The following ENTREP1 variants were observed in gnomAD, a reference collection of about 807,000 sequenced individuals.
ENTREP1 encodes endosomal transmembrane epsin interactor 1.
chr9:69,385,250 G>A, the ENTREP1 span, among the ~76,000 whole-genome samples: 4 of 152,134 alleles, frequency 2.6e-5, no homozygotes, highest in African/African-American at 7.2e-5. Context: ...ACAGTTTCTC[G>A]AATTACAACT....
chr9:69,392,129 C>T, the ENTREP1 span: 47 of 355,546 alleles, frequency 1.3e-4, 1 homozygote, highest in South Asian at 1.9e-3. Flanking sequence ...GCCCACTTCA[C>T]CCCTCGTGTC....
chr9:69,344,202 C>T, the ENTREP1 span, among the ~76,000 whole-genome samples: 7 of 152,242 alleles, frequency 4.6e-5, no homozygotes, highest in South Asian at 1.0e-3. Context: ...AATTGGGGAA[C>T]ATCTTAAAAT....
the ENTREP1 span, chr9:69,325,449 G>T: frequency 4.2e-6 from 4 of 953,834 alleles, no homozygotes; most frequent in African/African-American, 7.1e-5. Context: ...CGCTGGCCCC[G>T]GGGCGCGCTG....
chr9:69,352,848 A>C, the ENTREP1 span, among the ~76,000 whole-genome samples: 5 of 152,304 alleles, frequency 3.3e-5, no homozygotes, highest in African/African-American at 1.2e-4. Flanking sequence ...AAAAAGAAGA[A>C]GACAAGGCTG....
chr9:69,381,170 A>C, the ENTREP1 span: 1 of 152,200 alleles, frequency 6.6e-6, no homozygotes, highest in African/African-American at 2.4e-5. Context: ...TGCACCAGTG[A>C]AGTCTTCCTG....
the ENTREP1 span, among the ~76,000 whole-genome samples, chr9:69,334,046 A>G: frequency 6.6e-6 from 1 of 152,244 alleles, no homozygotes; most frequent in Non-Finnish European, 1.5e-5. Flanking sequence ...TTCTAAAGAA[A>G]TAAGTGAGGA....
chr9:69,375,932 T>C, the ENTREP1 span: 2 of 1,531,244 alleles, frequency 1.3e-6, no homozygotes, highest in African/African-American at 1.4e-5. Context: ...GCAAACTTAC[T>C]TGAAATATTC....
chr9:69,327,207 A>G, the ENTREP1 span, among the ~76,000 whole-genome samples: 3 of 152,180 alleles, frequency 2.0e-5, no homozygotes, highest in Non-Finnish European at 4.4e-5. Context: ...AGTGAAAGCC[A>G]TGATTTGTGC....
chr9:69,353,464 A>G, the ENTREP1 span, among the ~76,000 whole-genome samples: 2 of 152,224 alleles, frequency 1.3e-5, no homozygotes. Flanking sequence ...TGCAGATTTC[A>G]TGGTGATTCA....
At chr9:69,324,670 G>A in the ENTREP1 span, 5 of 984,624 alleles carry the variant, frequency 5.1e-6, no homozygotes, top group Non-Finnish European at 6.0e-6. Flanking sequence ...AACTGCGCTC[G>A]GCGTCGTCCT....
At chr9:69,391,199 T>C in the ENTREP1 span, among the ~76,000 whole-genome samples, 2 of 152,158 alleles carry the variant, frequency 1.3e-5, no homozygotes, top group Non-Finnish European at 2.9e-5. Context: ...ACTGTCCCCA[T>C]TGCTATGGGA....
At chr9:69,355,734 T>C in the ENTREP1 span, among the ~76,000 whole-genome samples, 6 of 151,996 alleles carry the variant, frequency 3.9e-5, no homozygotes, top group African/African-American at 1.5e-4. Context: ...CATCCGGAGG[T>C]TTGACTGCCC....
the ENTREP1 span, chr9:69,375,891 C>T: frequency 1.6e-5 from 25 of 1,605,082 alleles, no homozygotes; most frequent in South Asian, 4.5e-5. Flanking sequence ...CCCACCCGCA[C>T]GGTAAATACA....
chr9:69,325,206 C>A, the ENTREP1 span: 1 of 1,029,962 alleles, frequency 9.7e-7, no homozygotes, highest in Non-Finnish European at 1.2e-6. Flanking sequence ...GGCCTCGGAG[C>A]CCGTCTGCAG....
chr9:69,360,405 T>C, the ENTREP1 span, among the ~76,000 whole-genome samples: 1 of 152,362 alleles, frequency 6.6e-6, no homozygotes, highest in Non-Finnish European at 1.5e-5. Context: ...AATAAAGTTA[T>C]ATCATGATTT....
chr9:69,383,231 C>A, the ENTREP1 span: 1 of 700,414 alleles, frequency 1.4e-6, no homozygotes, highest in Non-Finnish European at 1.8e-6. Flanking sequence ...AGTGCATTCA[C>A]ATTATTTCGT....
At chr9:69,384,651 T>G in the ENTREP1 span, among the ~76,000 whole-genome samples, 1 of 152,214 alleles carries the variant, frequency 6.6e-6, no homozygotes, top group Non-Finnish European at 1.5e-5. Flanking sequence ...CATTTATCCT[T>G]GTACTTTAAG....
At chr9:69,325,595 C>T in the ENTREP1 span, 4 of 1,228,092 alleles carry the variant, frequency 3.3e-6, no homozygotes, top group Non-Finnish European at 4.1e-6. Flanking sequence ...GCCCGCCCGC[C>T]CGCTGCTGTC....
the ENTREP1 span, chr9:69,380,452 A>G: frequency 6.6e-6 from 1 of 152,194 alleles, no homozygotes; most frequent in African/African-American, 2.4e-5. Flanking sequence ...GAGGCTCCCC[A>G]TTTCCTGTAA....
Sources: gnomAD v4.1 joint callset for allele counts (sites outside exome capture counted in the v4.1 genomes callset) on GRCh38, gnomAD v4.1.1 for gene constraint, MANE v1.5 for transcripts, NCBI Gene and HGNC (gene_info 2026-07-23, HGNC 2026-07-21) for gene names.